The following NHLRC2 variants were observed in gnomAD, a reference collection of about 807,000 sequenced individuals.
NHLRC2 encodes NHL repeat-containing protein 2.
NHLRC2 carries 33 observed loss-of-function variants against 68.1 expected under a neutral mutation model. The observed-to-expected ratio is 0.48, with a 90% CI of 0.37 to 0.65. NHLRC2 has a LOEUF of 0.65. NHLRC2 is among the 30% of genes least tolerant of loss of function. NHLRC2 has a pLI of 0.00. For missense variants in NHLRC2, 761 were observed against 853.8 expected (o/e 0.89, Z 1.35); for synonymous variants, 311 against 309.6 (o/e 1.00, Z -0.05).
At position 113,905,036 on chromosome 10, in the gene NHLRC2, GGT is replaced by G; in HGVS notation, c.1924+1_1924+2del. The G allele has an allele frequency of 6.8e-7, 1 of 1,469,416 alleles. No individual in the cohort carries two copies. The highest frequency in any genetic ancestry group is 1.4e-5 in the South Asian group (1 of 74,026). 91.0% of individuals were successfully genotyped at this position (1,469,416 alleles called of 1,614,324 possible). On this transcript the variant is annotated splice_donor_variant, in intron 10 of 10. Transcript: ENST00000369301. LOFTEE classifies it high-confidence loss of function. ...CAGTTGCTGGTTTCTAACAGCTGAA[GGT>G]ATGAGTATAAGCTTGCAAATACTAA... is the stretch of plus-strand genomic sequence containing the variant.
At chr10:113,865,312 A>G (rs1455838347) in intron 2 of NHLRC2, among the ~76,000 whole-genome samples, 1 of 128,952 alleles carries the variant, frequency 7.8e-6, no homozygotes, top group Non-Finnish European at 1.6e-5. Context: ...ACCATATAAT[A>G]GAGCTGGTTT....
chr10:113,905,656 C>G (rs1002909788), intron 10 of NHLRC2, among the ~76,000 whole-genome samples: 1 of 152,114 alleles, frequency 6.6e-6, no homozygotes, highest in Non-Finnish European at 1.5e-5. Flanking sequence ...TGGTCTCCCA[C>G]GCTCTTTCAC....
At chr10:113,868,046 T>G (rs1845885948) in intron 2 of NHLRC2, among the ~76,000 whole-genome samples, 1 of 152,206 alleles carries the variant, frequency 6.6e-6, no homozygotes, top group Admixed American at 6.5e-5. Flanking sequence ...TGGATTTCAC[T>G]GGTGCGATCA....
chr10:113,894,603 A>G (rs1330737376), intron 5 of NHLRC2, among the ~76,000 whole-genome samples: 1 of 151,060 alleles, frequency 6.6e-6, no homozygotes, highest in Non-Finnish European at 1.5e-5. Context: ...GACCTCCATA[A>G]GGTGTTAAAT....
chr10:113,855,746 G>A (rs1845747650), intron 1 of NHLRC2, among the ~76,000 whole-genome samples: 1 of 152,120 alleles, frequency 6.6e-6, no homozygotes, highest in Non-Finnish European at 1.5e-5. Context: ...TGATCCTCCC[G>A]CCTCCGTTTC....
chr10:113,862,437 TAA>T (rs1338404583), intron 2 of NHLRC2, among the ~76,000 whole-genome samples: 1 of 133,334 alleles, frequency 7.5e-6, no homozygotes, highest in Non-Finnish European at 1.7e-5. Context: ...CAAAATGAAA[TAA>T]GAAAAGAATT....
chr10:113,889,057 C>T (rs1002787880), intron 5 of NHLRC2, among the ~76,000 whole-genome samples: 1 of 152,020 alleles, frequency 6.6e-6, no homozygotes, highest in African/African-American at 2.4e-5. Context: ...TAACTCCTGA[C>T]CTCTAGTGAT....
intron 2 of NHLRC2, among the ~76,000 whole-genome samples, chr10:113,867,425 T>C (rs1474329811): frequency 6.6e-6 from 1 of 152,274 alleles, no homozygotes; most frequent in Non-Finnish European, 1.5e-5. Context: ...AGTGTTTGAT[T>C]GGCTTTCAAA....
rs1846318636 is a variant in NHLRC2 at position 113,910,621 on chromosome 10, T to G, written c.*2085T>G. Reference sequence around the variant, plus strand: ...TAAGGACTTAAACAATTTCACACTCTAAATGAAGTATATACAATTTTAATT... The same window carrying G: ...TAAGGACTTAAACAATTTCACACTCGAAATGAAGTATATACAATTTTAATT... On this transcript the variant is annotated 3_prime_UTR_variant, in exon 11 of 11. Coordinates refer to ENST00000369301, the MANE Select transcript of NHLRC2 (RefSeq NM_198514.4). 1.3e-5 allele frequency: 2 copies of G among 152,226 alleles called. No individual in the cohort carries two copies. Among genetic ancestry groups the G allele is most frequent in the Admixed American group, 1.3e-4 (2 of 15,286 alleles). 9.4% of individuals were successfully genotyped at this position (152,226 alleles called of 1,614,324 possible). A position where few individuals can be genotyped will look rare whatever the true frequency, so the allele number is the denominator to read the frequency against.
At chr10:113,894,886 C>T (rs999279534) in intron 5 of NHLRC2, among the ~76,000 whole-genome samples, 1 of 152,030 alleles carries the variant, frequency 6.6e-6, no homozygotes, top group African/African-American at 2.4e-5. Context: ...TGAAAAGCCT[C>T]CTTTACCATA....
rs1031060558 is a variant in NHLRC2 at position 113,915,664 on chromosome 10, C to G, written c.*7128C>G. 4.4e-6 allele frequency: 1 copy of G among 226,276 alleles called. No homozygotes were observed. Among genetic ancestry groups the G allele is most frequent in the Non-Finnish European group, 8.7e-6 (1 of 114,748 alleles). The allele number at this position is 226,276 out of a possible 1,614,324, so 14.0% of individuals were successfully genotyped here. A position where few individuals can be genotyped will look rare whatever the true frequency, so the allele number is the denominator to read the frequency against. On this transcript the variant is annotated 3_prime_UTR_variant, in exon 11 of 11. Coordinates refer to ENST00000369301, the MANE Select transcript of NHLRC2 (RefSeq NM_198514.4). The stretch of plus-strand genomic sequence containing the variant: ...TTTTTTTGTTTTTAAGAGATAGGGT[C>G]TTGCTGTGTTGCCCAGGCTAGAGTG...
In NHLRC2 at chr10:113,909,892, A is replaced by T. The variant is rs1846310315; in HGVS notation, c.*1356A>T. 1 of 152,134 alleles carries T rather than the reference A, an allele frequency of 6.6e-6. No homozygotes were observed. Among genetic ancestry groups the T allele is most frequent in the Non-Finnish European group, 1.5e-5 (1 of 68,008 alleles). The allele number at this position is 152,134 out of a possible 1,614,324, so 9.4% of individuals were successfully genotyped here. A position where few individuals can be genotyped will look rare whatever the true frequency, so the allele number is the denominator to read the frequency against. ...CCCTGTAAAAACAGTGCTAAATTTG[A>T]AGTGTAATCTTTTTTAAACATCATT... On this transcript the variant is annotated 3_prime_UTR_variant, in exon 11 of 11. Coordinates refer to ENST00000369301, the MANE Select transcript of NHLRC2 (RefSeq NM_198514.4).
intron 2 of NHLRC2, among the ~76,000 whole-genome samples, chr10:113,863,061 A>G (rs1249984422): frequency 6.6e-6 from 1 of 152,214 alleles, no homozygotes; most frequent in African/African-American, 2.4e-5. Context: ...AAATATATGA[A>G]CAAAAATTGA....
intron 2 of NHLRC2, among the ~76,000 whole-genome samples, chr10:113,870,462 C>G (rs543669851): frequency 6.6e-6 from 1 of 152,218 alleles, no homozygotes; most frequent in South Asian, 2.1e-4. Flanking sequence ...CATAACAGTT[C>G]ATAGAGAACT....
intron 5 of NHLRC2, among the ~76,000 whole-genome samples, chr10:113,886,512 C>T (rs763828013): frequency 6.6e-6 from 1 of 152,104 alleles, no homozygotes. Flanking sequence ...ATCAAAATGG[C>T]ATGGTACTGT....
rs1486141554 is a variant in NHLRC2 at position 113,865,292 on chromosome 10, C to CCCG, written c.331+6612_331+6613insCCG. On this transcript the variant is annotated intron_variant, in intron 2 of 10. Transcript: ENST00000369301. ...AAAATCGCTTTTCATCCCCCCCCCC[C>CCCG]GTTCCTCTCACCATATAATAGAGCT... Among the ~76,000 whole-genome samples, 170 of 141,014 alleles carry CCCG rather than the reference C, an allele frequency of 1.2e-3. 3 individuals carry two copies. The highest frequency in any genetic ancestry group is 4.4e-3 in the African/African-American group (169 of 38,680). The allele number at this position is 141,014 out of a possible 152,430, so 92.5% of individuals were successfully genotyped here.
chr10:113,867,416 G>C (rs1342147140), intron 2 of NHLRC2, among the ~76,000 whole-genome samples: 1 of 152,202 alleles, frequency 6.6e-6, no homozygotes, highest in East Asian at 1.9e-4. Flanking sequence ...CCTGATATCA[G>C]TGTTTGATTG....
intron 4 of NHLRC2, 131 bp downstream of exon 4, chr10:113,879,826 A>T: frequency 1.7e-6 from 1 of 571,780 alleles, no homozygotes; most frequent in Non-Finnish European, 2.9e-6. Context: ...TTCTTGAGGT[A>T]CGTACTTTAG....
At position 113,898,325 on chromosome 10, in the gene NHLRC2, T is replaced by C. The variant is rs1846194681; in HGVS notation, c.1139+116T>C. 8.3e-6 allele frequency: 5 copies of C among 602,130 alleles called. No homozygotes were observed. The South Asian group carries it at 8.3e-5, about 10-fold the overall frequency. The allele number at this position is 602,130 out of a possible 1,614,324, so 37.3% of individuals were successfully genotyped here. On this transcript the variant is annotated intron_variant, in intron 6 of 10. Coordinates refer to ENST00000369301, the MANE Select transcript of NHLRC2 (RefSeq NM_198514.4). ...CAGGATGTGCTAGGTTGTACTGCCATAGCACACAACGCAGATTCTCAGTGA... is the reference window on the plus strand; with the variant it reads ...CAGGATGTGCTAGGTTGTACTGCCACAGCACACAACGCAGATTCTCAGTGA...
Sources: gnomAD v4.1 joint callset for allele counts (sites outside exome capture counted in the v4.1 genomes callset) on GRCh38, gnomAD v4.1.1 for gene constraint, MANE v1.5 for transcripts, NCBI Gene and HGNC (gene_info 2026-07-23, HGNC 2026-07-21) for gene names.